The following SNTG1 variants were observed in gnomAD, a reference collection of about 807,000 sequenced individuals.
The protein encoded by SNTG1 is gamma-1-syntrophin.
Under a neutral mutation model 74.7 loss-of-function variants are expected in SNTG1, and 39 were observed. The observed-to-expected ratio is 0.52, with a 90% CI of 0.40 to 0.68. SNTG1 has a LOEUF of 0.68. Ranked by LOEUF, SNTG1 falls within the 30% of genes least tolerant of loss-of-function variation. SNTG1 has a pLI of 0.00. For missense variants in SNTG1, 685 were observed against 609.5 expected (o/e 1.12, Z -1.30); for synonymous variants, 254 against 217.1 (o/e 1.17, Z -1.49).
chr8:50,129,776 A>C (rs564964878), intron 1 of SNTG1, among the ~76,000 whole-genome samples: 1 of 152,210 alleles, frequency 6.6e-6, no homozygotes, highest in South Asian at 2.1e-4. Flanking sequence ...GCTCATAATA[A>C]AACTAAATAC....
chr8:50,283,916 A>G (rs1295816278), intron 2 of SNTG1, among the ~76,000 whole-genome samples: 3 of 152,156 alleles, frequency 2.0e-5, no homozygotes, highest in African/African-American at 7.2e-5. Flanking sequence ...ATCGTTTATG[A>G]TTAACATAGT....
At chr8:50,298,488 T>C (rs1243903784) in intron 2 of SNTG1, among the ~76,000 whole-genome samples, 1 of 152,100 alleles carries the variant, frequency 6.6e-6, no homozygotes, top group Non-Finnish European at 1.5e-5. Flanking sequence ...GTACAGCTAG[T>C]TATGTTGGAA....
chr8:50,737,160 AG>A (rs1341125222), intron 17 of SNTG1, among the ~76,000 whole-genome samples: 1 of 151,884 alleles, frequency 6.6e-6, no homozygotes, highest in African/African-American at 2.4e-5. Flanking sequence ...ATAGACCACT[AG>A]CCGGACTAAT....
At chr8:50,024,289 C>A (rs772419686) in intron 1 of SNTG1, among the ~76,000 whole-genome samples, 2 of 152,114 alleles carry the variant, frequency 1.3e-5, no homozygotes, top group African/African-American at 2.4e-5. Context: ...TTCTGATGCA[C>A]AATCAAGTTT....
chr8:50,487,270 G>T (rs1472243741), intron 8 of SNTG1, among the ~76,000 whole-genome samples: 1 of 152,204 alleles, frequency 6.6e-6, no homozygotes, highest in Non-Finnish European at 1.5e-5. Context: ...CATTGTGGAA[G>T]TCAGTGTGGC....
At chr8:50,155,561 T>A (rs912958898) in intron 1 of SNTG1, among the ~76,000 whole-genome samples, 4 of 152,022 alleles carry the variant, frequency 2.6e-5, no homozygotes, top group Admixed American at 2.6e-4. Flanking sequence ...TCTATAATGT[T>A]TAGAAATTCC....
At chr8:50,661,708 A>G (rs2095224671) in intron 15 of SNTG1, among the ~76,000 whole-genome samples, 1 of 152,064 alleles carries the variant, frequency 6.6e-6, no homozygotes, top group Non-Finnish European at 1.5e-5. Context: ...CCTTGCCCCC[A>G]ACCTCCCAAC....
intron 2 of SNTG1, among the ~76,000 whole-genome samples, chr8:50,297,343 T>C (rs1037948802): frequency 6.6e-6 from 1 of 152,148 alleles, no homozygotes; most frequent in African/African-American, 2.4e-5. Flanking sequence ...GTAGGACAAT[T>C]ATAACAACAT....
intron 15 of SNTG1, among the ~76,000 whole-genome samples, chr8:50,661,987 C>T (rs2095226272): frequency 1.3e-5 from 2 of 152,024 alleles, no homozygotes; most frequent in African/African-American, 4.8e-5. Context: ...CTTCTAGATT[C>T]GATGCTAATG....
At chr8:50,205,538 T>C (rs192493557) in intron 2 of SNTG1, among the ~76,000 whole-genome samples, 14 of 152,324 alleles carry the variant, frequency 9.2e-5, no homozygotes, top group Admixed American at 7.8e-4. Flanking sequence ...TTCACGCTGA[T>C]GGTAGTTTCT....
chr8:50,639,922 G>A lies in SNTG1; in HGVS notation c.850-16987G>A, dbSNP rs1246138430. On this transcript the variant is annotated intron_variant, in intron 13 of 18. Coordinates refer to ENST00000642720, the MANE Select transcript of SNTG1 (RefSeq NM_018967.5). ...ACATGATAGGTTTTACTTTTTTCAG[G>A]ACCAGTTATCATATATATCCTCATC... is the stretch of plus-strand genomic sequence containing the variant. Among the ~76,000 whole-genome samples the A allele has an allele frequency of 2.1e-4, 32 of 151,824 alleles. 1 individual carries two copies. Among genetic ancestry groups the A allele is most frequent in the Admixed American group, 2.0e-3 (31 of 15,228 alleles).
intron 2 of SNTG1, among the ~76,000 whole-genome samples, chr8:50,330,475 C>A (rs984801503): frequency 2.0e-5 from 3 of 152,208 alleles, no homozygotes; most frequent in Non-Finnish European, 4.4e-5. Flanking sequence ...AAGTTTCAAA[C>A]TTTCTCACAT....
chr8:50,104,889 G>C (rs986867037), intron 1 of SNTG1, among the ~76,000 whole-genome samples: 3 of 151,946 alleles, frequency 2.0e-5, no homozygotes, highest in Non-Finnish European at 4.4e-5. Context: ...GGGGTTGTTT[G>C]TTTTTCACTT....
At chr8:50,543,500 C>A (rs2094363667) in intron 11 of SNTG1, among the ~76,000 whole-genome samples, 1 of 152,022 alleles carries the variant, frequency 6.6e-6, no homozygotes, top group South Asian at 2.1e-4. Context: ...CCTGGAGATT[C>A]TTCCAAGTAG....
chr8:50,013,927 C>T (rs569182043), intron 1 of SNTG1, among the ~76,000 whole-genome samples: 6 of 151,754 alleles, frequency 4.0e-5, no homozygotes, highest in East Asian at 3.9e-4. Context: ...ACTCAGTTTT[C>T]CTCTAACTCA....
At chr8:50,731,183 G>T (rs2095512026) in intron 17 of SNTG1, among the ~76,000 whole-genome samples, 1 of 152,114 alleles carries the variant, frequency 6.6e-6, no homozygotes, top group East Asian at 1.9e-4. Flanking sequence ...TATATGCATT[G>T]TAATAGGGGA....
chr8:50,203,800 G>T (rs137863172), intron 2 of SNTG1, among the ~76,000 whole-genome samples: 1 of 151,666 alleles, frequency 6.6e-6, no homozygotes, highest in Non-Finnish European at 1.5e-5. Flanking sequence ...GTGTGTGTTC[G>T]TAATAAAATC....
intron 1 of SNTG1, among the ~76,000 whole-genome samples, chr8:49,987,161 A>AG (rs1019354428): frequency 5.3e-5 from 8 of 152,184 alleles, no homozygotes; most frequent in Admixed American, 5.2e-4. Flanking sequence ...GGACCCCAGG[A>AG]GGGGGGAGTC....
chr8:50,410,197 T>A (rs928995831), intron 4 of SNTG1, among the ~76,000 whole-genome samples: 1 of 152,178 alleles, frequency 6.6e-6, no homozygotes, highest in Non-Finnish European at 1.5e-5. Context: ...AGAGAGAATG[T>A]ATCTAGACTA....
Sources: allele counts gnomAD v4.1 joint callset (sites outside exome capture counted in the v4.1 genomes callset), GRCh38; gene constraint gnomAD v4.1.1; transcripts MANE v1.5; gene names NCBI Gene and HGNC (gene_info 2026-07-23, HGNC 2026-07-21).